SLC12A3: variants seen among roughly 807,000 people sequenced by gnomAD.
The protein encoded by SLC12A3 is Na-Cl cotransporter.
A neutral mutation model predicts 121.0 loss-of-function variants in SLC12A3; 104 were observed. That is an observed-to-expected ratio of 0.86 (90% CI 0.73 to 1.01). The LOEUF (loss-of-function observed/expected upper bound fraction) is 1.01, where lower values mean the gene tolerates loss of function less well. Among genes scored for constraint, SLC12A3 ranks in the 50% least tolerant of loss-of-function variants. The pLI, the probability that SLC12A3 is intolerant of heterozygous loss-of-function variation, is 0.00. For synonymous variants in SLC12A3, 536 were observed against 533.4 expected, an observed-to-expected ratio of 1.00 and a Z score of -0.07; for missense variants, 1,328 against 1,356.3, an observed-to-expected ratio of 0.98 and a Z score of 0.33.
Position 56,913,696 on chromosome 16 carries a change from C to T in SLC12A3, c.*291C>T. 1 of 439,342 alleles carries T rather than the reference C, an allele frequency of 2.3e-6. No individual in the cohort carries two copies. The highest frequency in any genetic ancestry group is 4.2e-6 in the Non-Finnish European group (1 of 236,742). 27.2% of individuals were successfully genotyped at this position (439,342 alleles called of 1,614,324 possible). A position where few individuals can be genotyped will look rare whatever the true frequency, so the allele number is the denominator to read the frequency against. ...AAAGGATTTCTTTTGATTTTGATGA[C>T]CATTAATTAAGAGTTCAGTCTTTGA... On this transcript the variant is annotated 3_prime_UTR_variant, in exon 26 of 26. Coordinates refer to ENST00000563236, the MANE Select transcript of SLC12A3 (RefSeq NM_001126108.2).
intron 19 of SLC12A3, among the ~76,000 whole-genome samples, chr16:56,891,216 C>CA (rs2055384045): frequency 6.6e-6 from 1 of 151,206 alleles, no homozygotes; most frequent in African/African-American, 2.4e-5. Flanking sequence ...TCTACTAAAA[C>CA]AAAAAATTAA....
rs370625067 is a variant in SLC12A3 at position 56,880,162 on chromosome 16, C to G, written c.1476C>G (p.Ile492Met). The G allele has an allele frequency of 2.5e-6, 4 of 1,606,180 alleles. No homozygotes were observed. Among genetic ancestry groups the G allele is most frequent in the Non-Finnish European group, 3.4e-6 (4 of 1,177,276 alleles). ...GCGAGGACCAGCTGTACCCACTGAT[C>G]GGCTTCTTCGGCAAAGGCTATGGCA... ...CLCEDQLYPL[I>M]GFFGKGYGKN... The change falls in exon 12 of 26, where the codon ATC becomes ATG. Residue 492 changes from isoleucine (I) to methionine (M), a missense_variant. Physicochemically the swap from Ile to Met is conservative, Grantham distance 10. Coordinates refer to ENST00000563236, the MANE Select transcript of SLC12A3 (RefSeq NM_001126108.2).
intron 8 of SLC12A3, among the ~76,000 whole-genome samples, chr16:56,876,025 A>T (rs1429240086): frequency 6.6e-6 from 1 of 151,972 alleles, no homozygotes; most frequent in African/African-American, 2.4e-5. Flanking sequence ...GGAGGCTAAA[A>T]GTCCGGGATC....
intron 2 of SLC12A3, 38 bp from the exon 3 acceptor site, chr16:56,868,259 G>A (rs756339683): frequency 1.9e-6 from 3 of 1,604,420 alleles, no homozygotes; most frequent in South Asian, 1.1e-5. Context: ...GCCTTGGGGT[G>A]TCCACCCAGG....
chr16:56,877,461 A>G (rs1425977710), intron 8 of SLC12A3, among the ~76,000 whole-genome samples: 4 of 152,338 alleles, frequency 2.6e-5, no homozygotes, highest in African/African-American at 9.6e-5. Flanking sequence ...GCAGATATTT[A>G]TTTCTTAGAA....
chr16:56,878,696 A>G (rs9972741), intron 9 of SLC12A3, among the ~76,000 whole-genome samples: 105,200 of 151,740 alleles, frequency 0.69, 37,167 homozygotes, highest in African/African-American at 0.84. Flanking sequence ...ATCCTCACAG[A>G]TGTACTTCCT....
At chr16:56,902,303 G>C in intron 23 of SLC12A3, 70 bp from the exon 24 acceptor site, 1 of 1,604,012 alleles carries the variant, frequency 6.2e-7, no homozygotes, top group Non-Finnish European at 8.5e-7. Context: ...CCAGCTCCCC[G>C]CAGGGACCTG....
intron 24 of SLC12A3, among the ~76,000 whole-genome samples, chr16:56,903,377 G>C (rs565227036): frequency 1.6e-4 from 24 of 152,140 alleles, no homozygotes; most frequent in Admixed American, 1.5e-3. Context: ...GGCAAGGGCC[G>C]GGTCCTACTT....
At position 56,886,998 on chromosome 16, in the gene SLC12A3, G is replaced by C. The variant is rs36031476; in HGVS notation, c.2083G>C (p.Gly695Arg). The C allele has an allele frequency of 2.5e-6, 4 of 1,613,316 alleles. No homozygotes were observed. The South Asian group carries it at 4.4e-5, about 18-fold the overall frequency. ...GCCTGAGCTCCAGCTCATCGCCAAC[G>C]GGCACACCAAGTGGCTGAACAAGAG... ...RMPELQLIANGHTKWLNKRKI... is the reference protein window; with the variant it reads ...RMPELQLIANRHTKWLNKRKI... Residue 695 changes from glycine (G) to arginine (R), a missense_variant, in exon 17 of 26, where the codon GGG becomes CGG. Gly to Arg is a moderately radical substitution (Grantham distance 125). Transcript: ENST00000563236.
At chr16:56,884,332 T>C (rs887797264) in intron 14 of SLC12A3, 128 bp downstream of exon 14, 2 of 910,550 alleles carry the variant, frequency 2.2e-6, no homozygotes, top group Non-Finnish European at 3.4e-6. Flanking sequence ...TCTCTGCCCC[T>C]CCCCTTTATC....
chr16:56,906,486 G>A lies in SLC12A3; in HGVS notation c.2924+2024G>A, dbSNP rs939045732. ...CTGGACCTCCAGTCTGTCTTAAGAT[G>A]TCCATGAGGGTTTTTCCTCCCTGGA... On this transcript the variant is annotated intron_variant, in intron 25 of 25. Transcript: ENST00000563236. 5.9e-5 allele frequency: 11 copies of A among 184,916 alleles called. No homozygotes were observed. In the Admixed American group the frequency reaches 6.1e-4, roughly 10 times the overall value. The allele number at this position is 184,916 out of a possible 1,614,324, so 11.5% of individuals were successfully genotyped here. A position where few individuals can be genotyped will look rare whatever the true frequency, so the allele number is the denominator to read the frequency against.
In SLC12A3 at chr16:56,913,809, C is replaced by T. The variant is rs37031; in HGVS notation, c.*404C>T. 172,954 of 313,546 alleles carry T rather than the reference C, an allele frequency of 0.55. 48,652 individuals carry two copies. The highest frequency in any genetic ancestry group is 0.66 in the African/African-American group (30,371 of 46,042). The allele number at this position is 313,546 out of a possible 1,614,324, so 19.4% of individuals were successfully genotyped here. On this transcript the variant is annotated 3_prime_UTR_variant, in exon 26 of 26. Transcript: ENST00000563236. ...TGGGTGAAAGTTCCTAAATCATGCC[C>T]TGCTTCCTCCAATAGGAGAATGGGA... is the stretch of plus-strand genomic sequence containing the variant.
intron 10 of SLC12A3, 34 bp downstream of exon 10, chr16:56,879,261 T>G: frequency 1.2e-6 from 2 of 1,612,688 alleles, no homozygotes; most frequent in Non-Finnish European, 1.7e-6. Context: ...CCAGACACAG[T>G]GGGGGCTGGG....
chr16:56,878,304 C>G lies in SLC12A3; in HGVS notation c.1180+143C>G, dbSNP rs550818019. On this transcript the variant is annotated intron_variant, in intron 9 of 25. Transcript: ENST00000563236. ...GGAGAGCTGGGCTGGGAGGGTGTGG[C>G]GACCTTAGGATGTGAAGCCTTGAAC... 1.8e-5 allele frequency: 12 copies of G among 684,218 alleles called. No individual in the cohort carries two copies. In the East Asian group the frequency reaches 3.2e-4, roughly 18 times the overall value. 42.4% of individuals were successfully genotyped at this position (684,218 alleles called of 1,614,324 possible).
intron 23 of SLC12A3, among the ~76,000 whole-genome samples, chr16:56,901,347 C>CCTTTTTTTTT (rs2055535747): frequency 7.8e-6 from 1 of 128,904 alleles, no homozygotes; most frequent in African/African-American, 3.3e-5. Flanking sequence ...CTCTCTCTCT[C>CCTTTTTTTTT]TTTTTTTTTT....
chr16:56,888,332 C>T lies in SLC12A3; in HGVS notation c.2285+301C>T, dbSNP rs546762656. On this transcript the variant is annotated intron_variant, in intron 18 of 25. Transcript: ENST00000563236. ...AAGCTAAAGAAGAAACACGCTGAGGCTGAAGATGCCCGTCTCTGACCTGTG... is the reference window on the plus strand; with the variant it reads ...AAGCTAAAGAAGAAACACGCTGAGGTTGAAGATGCCCGTCTCTGACCTGTG... 2.0e-5 allele frequency among the ~76,000 whole-genome samples: 3 copies of T among 152,304 alleles called. No homozygotes were observed. The East Asian group carries it at 5.8e-4, about 29-fold the overall frequency.
intron 10 of SLC12A3, 129 bp downstream of exon 10, chr16:56,879,356 G>A (rs1197752072): frequency 7.8e-7 from 1 of 1,289,822 alleles, no homozygotes; most frequent in Non-Finnish European, 1.1e-6. Flanking sequence ...TAGGAGAGAG[G>A]GGTTCAGAGC....
chr16:56,905,035 A>G (rs2055587854), intron 25 of SLC12A3, among the ~76,000 whole-genome samples: 1 of 152,086 alleles, frequency 6.6e-6, no homozygotes, highest in African/African-American at 2.4e-5. Flanking sequence ...GCTCTCTCTG[A>G]GGCCTGTAAG....
rs768766575 is a variant in SLC12A3 at position 56,914,353 on chromosome 16, C to G, written c.*948C>G. 6.6e-6 allele frequency: 1 copy of G among 152,230 alleles called. No homozygotes were observed. Among genetic ancestry groups the G allele is most frequent in the African/African-American group, 2.4e-5 (1 of 41,450 alleles). 9.4% of individuals were successfully genotyped at this position (152,230 alleles called of 1,614,324 possible). On this transcript the variant is annotated 3_prime_UTR_variant, in exon 26 of 26. Coordinates refer to ENST00000563236, the MANE Select transcript of SLC12A3 (RefSeq NM_001126108.2). ...GAAATATACTTCACACTGAGACTTGCAGCGCACACACACGGAAACGACCAA... is the reference window on the plus strand; with the variant it reads ...GAAATATACTTCACACTGAGACTTGGAGCGCACACACACGGAAACGACCAA...
Sources: allele counts gnomAD v4.1 joint callset (sites outside exome capture counted in the v4.1 genomes callset), GRCh38; gene constraint gnomAD v4.1.1; transcripts MANE v1.5; gene names NCBI Gene and HGNC (gene_info 2026-07-23, HGNC 2026-07-21).